The following ANO8 variants were observed in gnomAD, a reference collection of about 807,000 sequenced individuals.
ANO8 encodes anoctamin-8.
Under a neutral mutation model 120.4 loss-of-function variants are expected in ANO8, and 67 were observed. The observed-to-expected ratio is 0.56, with a 90% confidence interval of 0.46 to 0.68. The LOEUF is 0.68. ANO8 is among the 30% of genes least tolerant of loss of function. The probability of loss-of-function intolerance (pLI) is 0.00; values close to 1 mark genes in which losing one functional copy is unlikely to be tolerated. For missense variants in ANO8, 1,526 were observed against 1,737.6 expected (o/e 0.88, Z 2.16); for synonymous variants, 727 against 759.2 (o/e 0.96, Z 0.70).
chr19:17,328,149 G>GCCCCCAGCGAGGCCCCC lies in ANO8; in HGVS notation c.2226+12_2226+13insGGGGGCCTCGCTGGGGG. On this transcript the variant is annotated intron_variant, in intron 13 of 17. Coordinates refer to ENST00000159087, the MANE Select transcript of ANO8 (RefSeq NM_020959.3). ...GAGGCCCCGCCCCCTGCGAGGCCCC[G>GCCCCCAGCGAGGCCCCC]CCCCCTCCTCACCTCGTACTTCTTC... The GCCCCCAGCGAGGCCCCC allele has an allele frequency of 7.8e-7, 1 of 1,287,528 alleles. No individual in the cohort carries two copies. The highest frequency in any genetic ancestry group is 1.0e-6 in the Non-Finnish European group (1 of 956,412). 79.8% of individuals were successfully genotyped at this position (1,287,528 alleles called of 1,614,324 possible).
Position 17,328,518 on chromosome 19 carries a change from C to T in ANO8, c.1870G>A (p.Ala624Thr), listed in dbSNP as rs777714339. The T allele has an allele frequency of 1.3e-6, 2 of 1,552,354 alleles. No homozygotes were observed. Among genetic ancestry groups the T allele is most frequent in the South Asian group, 1.2e-5 (1 of 84,432 alleles). Residue 624 changes from alanine to threonine, a missense_variant, in exon 13 of 18, where the codon GCG becomes ACG. This residue lies in a region of ANO8 where 467 missense variants were observed against 425.8 expected (regional missense o/e 1.10). Transcript: ENST00000159087. Reference protein sequence around the residue: ...LKKVSFAERGAGRRRPGPSPE... With the variant: ...LKKVSFAERGTGRRRPGPSPE... ...CTTGGGCCGGGCCGACGCCGCCCCG[C>T]GCCGCGCTCAGCGAAGCTGACCTTC...
chr19:17,328,113 C>T, intron 13 of ANO8, 49 bp downstream of exon 13: 14 of 1,477,802 alleles, frequency 9.5e-6, no homozygotes, highest in Non-Finnish European at 1.3e-5. Flanking sequence ...ACGGTGTGTC[C>T]CGTCCCCGGC....
At chr19:17,332,431 G>A (rs1218886102) in intron 5 of ANO8, among the ~76,000 whole-genome samples, 1 of 152,054 alleles carries the variant, frequency 6.6e-6, no homozygotes, top group Non-Finnish European at 1.5e-5. Flanking sequence ...CTCAGTTTGT[G>A]GACCCGAACG....
chr19:17,328,363 C>CG lies in ANO8; in HGVS notation c.2024dup (p.Ala676GlyfsTer33). On this transcript the variant is annotated frameshift_variant, in exon 13 of 18. Coordinates refer to ENST00000159087, the MANE Select transcript of ANO8 (RefSeq NM_020959.3). LOFTEE classifies it high-confidence loss of function. The stretch of plus-strand genomic sequence containing the variant: ...CCCCGGCCCGGCGGAACAAGATGGC[C>CG]GGGGGCTCCCGTTCAGGGCTGCCGG... 1 of 1,574,840 alleles carries CG rather than the reference C, an allele frequency of 6.3e-7. No homozygotes were observed. The highest frequency in any genetic ancestry group is 8.6e-7 in the Non-Finnish European group (1 of 1,164,760).
At chr19:17,329,900 C>A (rs1194982369) in intron 11 of ANO8, 59 bp downstream of exon 11, 4 of 1,612,974 alleles carry the variant, frequency 2.5e-6, no homozygotes, top group Non-Finnish European at 2.5e-6. Context: ...TCCTTGTGCC[C>A]CATACAGACG....
In ANO8 at chr19:17,328,417, G is replaced by C. The variant is rs1227070222; in HGVS notation, c.1971C>G (p.Ala657=). 1 of 1,572,984 alleles carries C rather than the reference G, an allele frequency of 6.4e-7. No individual in the cohort carries two copies. Among genetic ancestry groups the C allele is most frequent in the Non-Finnish European group, 8.6e-7 (1 of 1,165,832 alleles). ...KGLEPGVFTL[A]EEDDEAEGAP... ...CCCCCTCCGCCTCGTCGTCCTCCTC[G>C]GCCAGGGTGAACACTCCCGGCTCCA... Residue 657 remains alanine, a synonymous_variant, in exon 13 of 18, where the codon GCC becomes GCG. Transcript: ENST00000159087.
At position 17,324,991 on chromosome 19, in the gene ANO8, G is replaced by A; in HGVS notation, c.3057C>T (p.Thr1019=). The A allele has an allele frequency of 1.2e-6, 2 of 1,613,066 alleles. No individual in the cohort carries two copies. Among genetic ancestry groups the A allele is most frequent in the South Asian group, 1.1e-5 (1 of 91,070 alleles). Residue 1019 remains threonine, a synonymous_variant, in exon 17 of 18, where the codon ACC becomes ACT. Transcript: ENST00000159087. ...PPAQSPTGSD[T]RLPAFLSFKF... The stretch of plus-strand genomic sequence containing the variant: ...TGAAGCTGAGGAAGGCAGGCAGGCG[G>A]GTGTCGCTGCCTGTGGGTGACTGGG...
chr19:17,333,393 C>T lies in ANO8; in HGVS notation c.350+29G>A, dbSNP rs2145692408. On this transcript the variant is annotated intron_variant, in intron 3 of 17. Coordinates refer to ENST00000159087, the MANE Select transcript of ANO8 (RefSeq NM_020959.3). The surrounding 1 kb of genome is among the most constrained non-coding windows in gnomAD (Gnocchi z 7.2). ...AGAGCGGGGAGTCGGGTGGCAGGCTCAGCGAGAGGCCAGGGACAGGGGACT... is the reference window on the plus strand; with the variant it reads ...AGAGCGGGGAGTCGGGTGGCAGGCTTAGCGAGAGGCCAGGGACAGGGGACT... 6.2e-7 allele frequency: 1 copy of T among 1,613,386 alleles called. No homozygotes were observed. The highest frequency in any genetic ancestry group is 8.5e-7 in the Non-Finnish European group (1 of 1,179,878).
chr19:17,326,057 C>CG (rs1473540631), intron 16 of ANO8, among the ~76,000 whole-genome samples: 3 of 152,198 alleles, frequency 2.0e-5, no homozygotes, highest in Non-Finnish European at 4.4e-5. Context: ...GGACCCACGC[C>CG]GGTACTTTCT....
At chr19:17,329,648 G>A (rs2074302231) in intron 12 of ANO8, 109 bp downstream of exon 12, 1 of 769,362 alleles carries the variant, frequency 1.3e-6, no homozygotes, top group Non-Finnish European at 2.2e-6. Flanking sequence ...GAGAAGGATG[G>A]AGGAGGGGAG....
In ANO8 at chr19:17,330,499, C is replaced by T. The variant is rs1330755943; in HGVS notation, c.999G>A (p.Val333=). Residue 333 remains valine (V), a synonymous_variant, in exon 9 of 18, where the codon GTG becomes GTA. Coordinates refer to ENST00000159087, the MANE Select transcript of ANO8 (RefSeq NM_020959.3). ...CCCGCGTGATGGGGCTGATACGTCG[C>T]ACGCCCTGATGGTGGGCAAAGACCG... ...VEEPRPQFRG[V]RRISPITRAE... is the part of the protein sequence containing the mutation. 1 of 1,523,868 alleles carries T rather than the reference C, an allele frequency of 6.6e-7. No homozygotes were observed. The highest frequency in any genetic ancestry group is 8.8e-7 in the Non-Finnish European group (1 of 1,131,952). The allele number at this position is 1,523,868 out of a possible 1,614,324, so 94.4% of individuals were successfully genotyped here.
chr19:17,328,312 G>A lies in ANO8; in HGVS notation c.2076C>T (p.Asp692=), dbSNP rs1473592149. The A allele has an allele frequency of 3.1e-6, 5 of 1,598,810 alleles. No homozygotes were observed. The East Asian group carries it at 9.0e-5, about 29-fold the overall frequency. ...AGGEGRDQGP[D]GGPDPEPGSN... ...AGCCGGGTTCCGGGTCCGGGCCCCC[G>A]TCGGGCCCCTGGTCTCGGCCCTCGC... is the stretch of plus-strand genomic sequence containing the variant. The change falls in exon 13 of 18, where the codon GAC becomes GAT. Residue 692 remains aspartate, a synonymous_variant. Transcript: ENST00000159087.
Position 17,328,730 on chromosome 19 carries a change from G to T in ANO8, c.1658C>A (p.Pro553Gln). The T allele has an allele frequency of 7.4e-7, 1 of 1,348,520 alleles. No individual in the cohort carries two copies. The highest frequency in any genetic ancestry group is 9.5e-7 in the Non-Finnish European group (1 of 1,050,114). 83.5% of individuals were successfully genotyped at this position (1,348,520 alleles called of 1,614,324 possible). Residue 553 changes from proline to glutamine, a missense_variant, in exon 13 of 18, where the codon CCG (proline) becomes CAG (glutamine). Transcript: ENST00000159087. ...RRCLSGGCGA[P>Q]EEEEEAALVE... The stretch of plus-strand genomic sequence containing the variant: ...CAGCGCCGCCTCCTCCTCCTCCTCC[G>T]GCGCCCCGCAGCCCCCGCTGAGGCA...
At chr19:17,326,293 G>C (rs1290633928) in intron 16 of ANO8, among the ~76,000 whole-genome samples, 2 of 152,172 alleles carry the variant, frequency 1.3e-5, no homozygotes, top group African/African-American at 2.4e-5. Context: ...CTTGAGGTTA[G>C]GAGTTGGAGA....
In ANO8 at chr19:17,327,730, G is replaced by T. The variant is rs2074282326; in HGVS notation, c.2377C>A (p.Arg793=). The T allele has an allele frequency of 6.2e-7, 1 of 1,613,932 alleles. No individual in the cohort carries two copies. ...DAFKLCTGLQ[R]PFGQRVESIG... is the part of the protein sequence containing the mutation. ...CTTTCCACGCGCTGGCCGAAGGGCC[G>T]CTGCAGCCCGGTGCACAGCTTGAAG... Residue 793 remains arginine, a synonymous_variant, in exon 14 of 18, where the codon CGG becomes AGG. Transcript: ENST00000159087.
chr19:17,325,466 G>C, intron 16 of ANO8, 80 bp from the exon 17 acceptor site: 1 of 1,490,228 alleles, frequency 6.7e-7, no homozygotes, highest in South Asian at 1.3e-5. Context: ...GCATGCCAGG[G>C]CTCTCTGCAA....
At position 17,330,332 on chromosome 19, in the gene ANO8, G is replaced by A. The variant is rs1439702249; in HGVS notation, c.1146+20C>T. 6.2e-7 allele frequency: 1 copy of A among 1,609,140 alleles called. No individual in the cohort carries two copies. The highest frequency in any genetic ancestry group is 1.3e-5 in the African/African-American group (1 of 74,856). On this transcript the variant is annotated intron_variant, in intron 9 of 17. Coordinates refer to ENST00000159087, the MANE Select transcript of ANO8 (RefSeq NM_020959.3). ...GAGCTAGGTACCAAGGACAGGGCGGGTGAGGGTATGGGGGGTCACCTGCAG... is the reference window on the plus strand; with the variant it reads ...GAGCTAGGTACCAAGGACAGGGCGGATGAGGGTATGGGGGGTCACCTGCAG...
rs1408172486 is a variant in ANO8 at position 17,323,438 on chromosome 19, G to T, written c.*79C>A. 2 of 1,267,362 alleles carry T rather than the reference G, an allele frequency of 1.6e-6. No homozygotes were observed. Among genetic ancestry groups the T allele is most frequent in the Non-Finnish European group, 2.0e-6 (2 of 1,001,622 alleles). The allele number at this position is 1,267,362 out of a possible 1,614,324, so 78.5% of individuals were successfully genotyped here. ...ACTGGGGGCCCTCGGGGGCTGAAGC[G>T]CATTTTGCATTTTGGAGACCGGCCG... On this transcript the variant is annotated 3_prime_UTR_variant, in exon 18 of 18. Coordinates refer to ENST00000159087, the MANE Select transcript of ANO8 (RefSeq NM_020959.3).
In ANO8 at chr19:17,328,316, G is replaced by A. The variant is rs377396526; in HGVS notation, c.2072C>T (p.Pro691Leu). The change falls in exon 13 of 18, where the codon CCC (proline) becomes CTC (leucine). Residue 691 changes from proline (P) to leucine (L), a missense_variant. Physicochemically the swap from Pro to Leu is moderately conservative, Grantham distance 98. This residue lies in a region of ANO8 where 467 missense variants were observed against 425.8 expected (regional missense o/e 1.10). Coordinates refer to ENST00000159087, the MANE Select transcript of ANO8 (RefSeq NM_020959.3). Reference sequence around the variant, plus strand: ...GGGTTCCGGGTCCGGGCCCCCGTCGGGCCCCTGGTCTCGGCCCTCGCCCCC... The same window carrying A: ...GGGTTCCGGGTCCGGGCCCCCGTCGAGCCCCTGGTCTCGGCCCTCGCCCCC... Reference protein sequence around the residue: ...RAGGEGRDQGPDGGPDPEPGS... With the variant: ...RAGGEGRDQGLDGGPDPEPGS... 19 of 1,597,388 alleles carry A rather than the reference G, an allele frequency of 1.2e-5. No individual in the cohort carries two copies. In the African/African-American group the frequency reaches 2.3e-4, roughly 19 times the overall value.
Sources: allele counts gnomAD v4.1 joint callset (sites outside exome capture counted in the v4.1 genomes callset), GRCh38; gene constraint gnomAD v4.1.1; regional missense constraint gnomAD v4.1.1; non-coding constraint Gnocchi (gnomAD v3.1); transcripts MANE v1.5; gene names NCBI Gene and HGNC (gene_info 2026-07-23, HGNC 2026-07-21).